Variants in ESYT2 observed in about 807,000 individuals in gnomAD.
The protein encoded by ESYT2 is extended synaptotagmin 2.
In ESYT2, 54 loss-of-function variants were observed where a neutral mutation model predicts 107.2. That is an observed-to-expected ratio of 0.50 (90% CI 0.40 to 0.63). ESYT2 has a LOEUF of 0.63. Among genes scored for constraint, ESYT2 ranks in the 30% least tolerant of loss-of-function variants. The pLI is 0.00. For synonymous variants in ESYT2, 491 were observed against 434.1 expected, an observed-to-expected ratio of 1.13 and a Z score of -1.63; for missense variants, 1,020 against 1,094.5, an observed-to-expected ratio of 0.93 and a Z score of 0.96.
In ESYT2 at chr7:158,754,903, A is replaced by C. The variant is rs111577300; in HGVS notation, c.1420-2060T>G. ...GGGTCTGGAGATTAAACAAGTAGCA[A>C]CCTGAGACCCCTGCCTGGCTCCTGG... is the stretch of plus-strand genomic sequence containing the variant. On this transcript the variant is annotated intron_variant, in intron 13 of 22. Transcript: ENST00000275418. Among the ~76,000 whole-genome samples the C allele has an allele frequency of 5.1e-3, 773 of 152,236 alleles. 4 individuals are homozygous for C. Among genetic ancestry groups the C allele is most frequent in the African/African-American group, 0.018 (742 of 41,546 alleles).
intron 16 of ESYT2, chr7:158,744,151 G>C (rs1020315985): frequency 6.5e-6 from 1 of 153,938 alleles, no homozygotes; most frequent in African/African-American, 2.4e-5. Context: ...ACATATTTCA[G>C]CCATATTCTC....
chr7:158,748,637 T>C (rs1226888865), intron 15 of ESYT2, among the ~76,000 whole-genome samples: 1 of 152,166 alleles, frequency 6.6e-6, no homozygotes, highest in East Asian at 1.9e-4. Context: ...GGTGAGCACT[T>C]GGGCACGTCT....
intron 8 of ESYT2, 35 bp from the exon 9 acceptor site, chr7:158,764,888 G>A (rs766117170): frequency 6.2e-7 from 1 of 1,601,002 alleles, no homozygotes; most frequent in Admixed American, 1.7e-5. Flanking sequence ...TTAGACCCTT[G>A]GCTGGCTTGT....
chr7:158,757,201 T>C (rs1253085971), intron 13 of ESYT2, among the ~76,000 whole-genome samples: 1 of 152,044 alleles, frequency 6.6e-6, no homozygotes. Flanking sequence ...AAATACACAA[T>C]AGTTAAAATC....
intron 6 of ESYT2, among the ~76,000 whole-genome samples, chr7:158,779,448 A>C (rs1251879855): frequency 6.6e-6 from 1 of 152,254 alleles, no homozygotes; most frequent in African/African-American, 2.4e-5. Flanking sequence ...AACTAGGCTA[A>C]AAAGTGGGTC....
chr7:158,801,407 T>C (rs902092257), intron 1 of ESYT2, among the ~76,000 whole-genome samples: 3 of 152,228 alleles, frequency 2.0e-5, no homozygotes, highest in African/African-American at 7.2e-5. Flanking sequence ...AAAGAGAATA[T>C]ATCAGATTTG....
intron 20 of ESYT2, 100 bp from the exon 21 acceptor site, chr7:158,735,708 T>A: frequency 9.7e-7 from 1 of 1,033,114 alleles, no homozygotes; most frequent in Non-Finnish European, 1.4e-6. Flanking sequence ...CCAAATGTCA[T>A]GTTTGTTTTT....
chr7:158,781,430 AAGTGTG>A (rs1042001808), intron 6 of ESYT2, among the ~76,000 whole-genome samples: 40 of 54,528 alleles, frequency 7.3e-4, no homozygotes, highest in African/African-American at 1.3e-3. Flanking sequence ...AACGAGTGAG[AAGTGTG>A]AGTGTGAACA....
At chr7:158,813,236 A>AT (rs1228934077) in intron 1 of ESYT2, among the ~76,000 whole-genome samples, 2 of 152,254 alleles carry the variant, frequency 1.3e-5, no homozygotes, top group African/African-American at 4.8e-5. Context: ...AACTATGTAA[A>AT]AAGATCAGTA....
At chr7:158,749,300 G>T (rs1837509685) in intron 15 of ESYT2, among the ~76,000 whole-genome samples, 1 of 152,086 alleles carries the variant, frequency 6.6e-6, no homozygotes, top group Admixed American at 6.6e-5. Flanking sequence ...TGTATTTTTA[G>T]TAGAGATGAG....
At position 158,731,155 on chromosome 7, in the gene ESYT2, C is replaced by A. The variant is rs1188002735; in HGVS notation, c.*3052G>T. The A allele has an allele frequency of 6.6e-6, 1 of 152,152 alleles. No individual in the cohort carries two copies. The highest frequency in any genetic ancestry group is 2.4e-5 in the African/African-American group (1 of 41,422). The allele number at this position is 152,152 out of a possible 1,614,324, so 9.4% of individuals were successfully genotyped here. On this transcript the variant is annotated 3_prime_UTR_variant, in exon 23 of 23. Transcript: ENST00000275418. The stretch of plus-strand genomic sequence containing the variant: ...GGAGGTGGAATAAATGCGGCAACCA[C>A]AGAAAAAACACACAGCTACACACAG...
intron 1 of ESYT2, among the ~76,000 whole-genome samples, chr7:158,818,713 G>C (rs141071864): frequency 6.6e-6 from 1 of 152,200 alleles, no homozygotes; most frequent in Non-Finnish European, 1.5e-5. Flanking sequence ...ACAGAGTCAG[G>C]CTCAACCCCC....
intron 20 of ESYT2, 80 bp downstream of exon 20, chr7:158,736,968 A>C: frequency 1.3e-6 from 2 of 1,562,508 alleles, no homozygotes; most frequent in South Asian, 2.3e-5. Flanking sequence ...TGCTTTGGCC[A>C]CTCAAAGGCA....
chr7:158,813,584 T>C (rs915000697), intron 1 of ESYT2, among the ~76,000 whole-genome samples: 3 of 152,180 alleles, frequency 2.0e-5, no homozygotes, highest in Non-Finnish European at 4.4e-5. Flanking sequence ...CGGAAATAAA[T>C]ACCTTTCCAG....
rs1447144519 is a variant in ESYT2, at chr7:158,731,336, C to CT, written c.*2870dup. 9 of 152,456 alleles carry CT rather than the reference C, an allele frequency of 5.9e-5. No homozygotes were observed. Among genetic ancestry groups the CT allele is most frequent in the African/African-American group, 1.9e-4 (8 of 41,600 alleles). 9.4% of individuals were successfully genotyped at this position (152,456 alleles called of 1,614,324 possible). The stretch of plus-strand genomic sequence containing the variant: ...TTATTTTTTGAGACGGAGTCTCACT[C>CT]TGTTGCCCAGGCTGGAGTGCAGTGG... On this transcript the variant is annotated 3_prime_UTR_variant, in exon 23 of 23. Transcript: ENST00000275418.
At chr7:158,780,640 T>C in intron 6 of ESYT2, among the ~76,000 whole-genome samples, 1 of 152,242 alleles carries the variant, frequency 6.6e-6, no homozygotes, top group African/African-American at 2.4e-5. Flanking sequence ...ACAGAGGGCA[T>C]GCCCACGTGG....
At chr7:158,758,663 G>C (rs948164966) in intron 13 of ESYT2, among the ~76,000 whole-genome samples, 7 of 152,160 alleles carry the variant, frequency 4.6e-5, no homozygotes, top group Non-Finnish European at 8.8e-5. Context: ...AAAAGCGGCT[G>C]TGGACACGAT....
At chr7:158,775,150 A>G (rs1313361414) in intron 6 of ESYT2, among the ~76,000 whole-genome samples, 2 of 152,206 alleles carry the variant, frequency 1.3e-5, no homozygotes, top group Non-Finnish European at 2.9e-5. Context: ...CAATAGCATT[A>G]TATCTTTTTA....
In ESYT2 at chr7:158,741,688, G is replaced by A. The variant is rs1297677777; in HGVS notation, c.2003C>T (p.Pro668Leu). Residue 668 changes from proline to leucine, a missense_variant, in exon 18 of 23, where the codon CCT becomes CTT. Coordinates refer to ENST00000275418, the MANE Select transcript of ESYT2 (RefSeq NM_001367773.1). ...KPGMEEKAQP[P>L]EAGPQGLHDL... ...GTGCAGCCCCTGAGGGCCGGCCTCA[G>A]GGGGCTGGGCCTTTTCTTCCATACC... 3 of 1,613,940 alleles carry A rather than the reference G, an allele frequency of 1.9e-6. No individual in the cohort carries two copies. The highest frequency in any genetic ancestry group is 1.3e-5 in the African/African-American group (1 of 74,900).
Sources: allele counts gnomAD v4.1 joint callset (sites outside exome capture counted in the v4.1 genomes callset), GRCh38; gene constraint gnomAD v4.1.1; transcripts MANE v1.5; gene names NCBI Gene and HGNC (gene_info 2026-07-23, HGNC 2026-07-21).